The following HERPUD1 variants were observed in gnomAD, a reference collection of about 807,000 sequenced individuals.
HERPUD1 encodes the protein homocysteine inducible ER protein with ubiquitin like domain 1.
A neutral mutation model predicts 45.0 loss-of-function variants in HERPUD1; 17 were observed. The observed-to-expected ratio is 0.38, with a 90% CI of 0.26 to 0.57. The LOEUF (loss-of-function observed/expected upper bound fraction) is 0.57, where lower values mean the gene tolerates loss of function less well. Among genes scored for constraint, HERPUD1 ranks in the 20% least tolerant of loss-of-function variants. The pLI is 0.72. For synonymous variants in HERPUD1, 164 were observed against 177.5 expected (o/e 0.92, Z 0.61); for missense variants, 420 against 490.5 (o/e 0.86, Z 1.36).
chr16:56,938,983 C>T (rs924833845), intron 4 of HERPUD1, among the ~76,000 whole-genome samples: 1 of 152,138 alleles, frequency 6.6e-6, no homozygotes, highest in Non-Finnish European at 1.5e-5. Context: ...GTTTATATAT[C>T]TGTGCACTCA....
chr16:56,944,852 G>C lies in HERPUD1; in HGVS notation c.*1562G>C, dbSNP rs1466715657. ...GTGTTCTATTTGGCAAAATAAATCA[G>C]CCTTTTCTATCATGATTGTGGTCAT... On this transcript the variant is annotated 3_prime_UTR_variant, in exon 8 of 8. Transcript: ENST00000439977. The C allele has an allele frequency of 6.6e-6, 1 of 152,250 alleles. No individual in the cohort carries two copies. The highest frequency in any genetic ancestry group is 6.5e-5 in the Admixed American group (1 of 15,288). 9.4% of individuals were successfully genotyped at this position (152,250 alleles called of 1,614,324 possible).
At chr16:56,938,830 A>G (rs981739502) in intron 4 of HERPUD1, among the ~76,000 whole-genome samples, 1 of 152,140 alleles carries the variant, frequency 6.6e-6, no homozygotes, top group Non-Finnish European at 1.5e-5. Flanking sequence ...GGATATTGGG[A>G]GGATGGGAGA....
chr16:56,942,340 G>A (rs748041873), intron 7 of HERPUD1, 103 bp downstream of exon 7: 1 of 693,062 alleles, frequency 1.4e-6, no homozygotes, highest in Non-Finnish European at 2.5e-6. Flanking sequence ...ATTTTATTGG[G>A]CTAAATATTT....
In HERPUD1 at chr16:56,932,182, G is replaced by T; in HGVS notation, c.-63G>T. 1.3e-6 allele frequency: 2 copies of T among 1,577,074 alleles called. No individual in the cohort carries two copies. The highest frequency in any genetic ancestry group is 1.1e-5 in the South Asian group (1 of 88,172). On this transcript the variant is annotated 5_prime_UTR_variant, in exon 1 of 8. Coordinates refer to ENST00000439977, the MANE Select transcript of HERPUD1 (RefSeq NM_014685.4). The stretch of plus-strand genomic sequence containing the variant: ...ACTGTCGTTGCAGAGATTGCGGGCG[G>T]CTGAGACGCCGCCTGCCTGGCACCT...
intron 1 of HERPUD1, among the ~76,000 whole-genome samples, chr16:56,933,944 A>T (rs1200753562): frequency 6.6e-6 from 1 of 152,242 alleles, no homozygotes; most frequent in African/African-American, 2.4e-5. Context: ...ATTTACCTTT[A>T]AAGTTCTCAT....
intron 5 of HERPUD1, 125 bp from the exon 6 acceptor site, chr16:56,939,770 A>G: frequency 8.5e-6 from 6 of 704,658 alleles, no homozygotes; most frequent in South Asian, 7.8e-5. Context: ...ACTAAATTGA[A>G]GAAAAATCAA....
intron 1 of HERPUD1, 124 bp downstream of exon 1, chr16:56,932,515 A>T: frequency 1.1e-6 from 1 of 917,122 alleles, no homozygotes. Flanking sequence ...TCGGCCGGTC[A>T]CCTCCCCCAG....
Position 56,939,884 on chromosome 16 carries a change from TTTTA to T in HERPUD1, c.555-7_555-4del, listed in dbSNP as rs1596981548. 1.3e-6 allele frequency: 2 copies of T among 1,543,190 alleles called. No individual in the cohort carries two copies. The highest frequency in any genetic ancestry group is 1.8e-6 in the Non-Finnish European group (2 of 1,125,322). ...TCTCAACAGTATCTGCCTCTGTCGT[TTTTA>T]TTTTAGTTTAGCAGCCACTGCTGCA... On this transcript the variant is annotated splice_region_variant and splice_polypyrimidine_tract_variant and intron_variant, in intron 5 of 7. Transcript: ENST00000439977.
In HERPUD1 at chr16:56,936,743, T is replaced by C. The variant is rs776259686; in HGVS notation, c.357T>C (p.Asp119=). 1 of 1,614,050 alleles carries C rather than the reference T, an allele frequency of 6.2e-7. No homozygotes were observed. The highest frequency in any genetic ancestry group is 8.5e-7 in the Non-Finnish European group (1 of 1,179,928). ...AGSNRGQYPE[D]SSSDGLRQRE... ...CTAATCGGGGACAGTATCCTGAGGA[T>C]TCCTCAAGTGATGGTTTAAGGCAAA... The change falls in exon 4 of 8, where the codon GAT becomes GAC. Residue 119 remains aspartate, a synonymous_variant. Transcript: ENST00000439977.
chr16:56,939,146 G>C, intron 4 of HERPUD1, 91 bp from the exon 5 acceptor site: 1 of 1,421,138 alleles, frequency 7.0e-7, no homozygotes, highest in Non-Finnish European at 9.7e-7. Context: ...CTGTCTCTTC[G>C]ATTTGAATTC....
Position 56,932,223 on chromosome 16 carries a change from C to A in HERPUD1, c.-22C>A. On this transcript the variant is annotated 5_prime_UTR_variant, in exon 1 of 8. Transcript: ENST00000439977. ...CCTGGCACCTAGGAGCGCAGCGGAG[C>A]CCCGACACCGCCGCCGCCGCCATGG... The A allele has an allele frequency of 6.2e-7, 1 of 1,602,646 alleles. No individual in the cohort carries two copies. The highest frequency in any genetic ancestry group is 8.5e-7 in the Non-Finnish European group (1 of 1,178,314).
rs568111235 is a variant in HERPUD1 at position 56,935,938 on chromosome 16, T to A, written c.300+463T>A. The stretch of plus-strand genomic sequence containing the variant: ...TGATCTTTAAAGAATTTTTTTTTTT[T>A]AAAAATGGTCTCGCTGTGTGGCCCA... On this transcript the variant is annotated intron_variant, in intron 3 of 7. Transcript: ENST00000439977. 1.4e-4 allele frequency: 22 copies of A among 156,268 alleles called. No homozygotes were observed. In the South Asian group the frequency reaches 1.6e-3, roughly 11 times the overall value. The allele number at this position is 156,268 out of a possible 1,614,324, so 9.7% of individuals were successfully genotyped here. A position where few individuals can be genotyped will look rare whatever the true frequency, so the allele number is the denominator to read the frequency against.
In HERPUD1 at chr16:56,936,687, G is replaced by T. The variant is rs752600609; in HGVS notation, c.301G>T (p.Val101Leu). Reference protein sequence around the residue: ...PSKMPEINAKVAESTEEPAGS... With the variant: ...PSKMPEINAKLAESTEEPAGS... ...CTGTGTTCATGTTACACTTATTTAGGTGGCTGAATCCACAGAGGAGCCTGC... is the reference window on the plus strand; with the variant it reads ...CTGTGTTCATGTTACACTTATTTAGTTGGCTGAATCCACAGAGGAGCCTGC... Residue 101 changes from valine to leucine, a missense_variant and splice_region_variant, in exon 4 of 8, where the codon GTG becomes TTG. Physicochemically the swap from Val to Leu is conservative, Grantham distance 32. Coordinates refer to ENST00000439977, the MANE Select transcript of HERPUD1 (RefSeq NM_014685.4). 1.2e-6 allele frequency: 2 copies of T among 1,611,602 alleles called. No individual in the cohort carries two copies. The highest frequency in any genetic ancestry group is 1.7e-6 in the Non-Finnish European group (2 of 1,178,586).
At chr16:56,933,515 A>G (rs2055842666) in intron 1 of HERPUD1, among the ~76,000 whole-genome samples, 2 of 152,190 alleles carry the variant, frequency 1.3e-5, no homozygotes, top group South Asian at 4.1e-4. Context: ...TGGTTGCATC[A>G]TATGGCAAAA....
At chr16:56,936,627 G>A (rs1440228440) in intron 3 of HERPUD1, 60 bp from the exon 4 acceptor site, 1 of 1,455,568 alleles carries the variant, frequency 6.9e-7, no homozygotes, top group Non-Finnish European at 9.1e-7. Context: ...AATTCCTTTT[G>A]CTTGATTTCA....
At position 56,936,766 on chromosome 16, in the gene HERPUD1, A is replaced by G. The variant is rs1197596164; in HGVS notation, c.380A>G (p.Gln127Arg). The change falls in exon 4 of 8, where the codon CAA becomes CGA. Residue 127 changes from glutamine (Q) to arginine (R), a missense_variant. Transcript: ENST00000439977. Reference sequence around the variant, plus strand: ...GATTCCTCAAGTGATGGTTTAAGGCAAAGGGAAGTTCTTCGGAACCTTTCT... The same window carrying G: ...GATTCCTCAAGTGATGGTTTAAGGCGAAGGGAAGTTCTTCGGAACCTTTCT... ...PEDSSSDGLRQREVLRNLSSP... is the reference protein window; with the variant it reads ...PEDSSSDGLRRREVLRNLSSP... 1 of 1,614,122 alleles carries G rather than the reference A, an allele frequency of 6.2e-7. No individual in the cohort carries two copies.
Position 56,939,045 on chromosome 16 carries a change from A to T in HERPUD1, c.432-192A>T, listed in dbSNP as rs375109017. 5.6e-5 allele frequency: 34 copies of T among 612,396 alleles called. No homozygotes were observed. The African/African-American group carries it at 5.7e-4, about 10-fold the overall frequency. The allele number at this position is 612,396 out of a possible 1,614,324, so 37.9% of individuals were successfully genotyped here. On this transcript the variant is annotated intron_variant, in intron 4 of 7. Transcript: ENST00000439977. ...TTCCTGTGGGATGGGACTGTGGTAG[A>T]AGTGCTGTGTCATTTAGTACCTTCT...
intron 1 of HERPUD1, 104 bp from the exon 2 acceptor site, chr16:56,935,131 G>A: frequency 2.6e-6 from 2 of 757,118 alleles, no homozygotes; most frequent in Non-Finnish European, 4.6e-6. Flanking sequence ...ATGCTGGGGG[G>A]AAACACACAT....
In HERPUD1 at chr16:56,932,328, C is replaced by A; in HGVS notation, c.84C>A (p.Gly28=). ...NQRHRDLELS[G]DRGWSVGHLK... is the part of the protein sequence containing the mutation. Reference sequence around the variant, plus strand: ...GCCACCGCGACTTGGAGCTGAGTGGCGACCGCGGCTGGAGTGTGGGCCACC... The same window carrying A: ...GCCACCGCGACTTGGAGCTGAGTGGAGACCGCGGCTGGAGTGTGGGCCACC... The change falls in exon 1 of 8, where the codon GGC becomes GGA. Residue 28 remains glycine, a synonymous_variant. Transcript: ENST00000439977. 2 of 1,604,556 alleles carry A rather than the reference C, an allele frequency of 1.2e-6. No individual in the cohort carries two copies. The highest frequency in any genetic ancestry group is 1.7e-6 in the Non-Finnish European group (2 of 1,177,762).
Sources: allele counts gnomAD v4.1 joint callset (sites outside exome capture counted in the v4.1 genomes callset), GRCh38; gene constraint gnomAD v4.1.1; transcripts MANE v1.5; gene names NCBI Gene and HGNC (gene_info 2026-07-23, HGNC 2026-07-21).